Variants in CDIN1 observed in about 807,000 individuals in gnomAD.
CDIN1 encodes CDAN1 interacting nuclease 1.
A neutral mutation model predicts 45.3 loss-of-function variants in CDIN1; 33 were observed. That is an observed-to-expected ratio of 0.73 (90% CI 0.55 to 0.97). The LOEUF is 0.97. Among genes scored for constraint, CDIN1 ranks in the 50% least tolerant of loss-of-function variants. The pLI is 0.00. For missense variants in CDIN1, 303 were observed against 339.4 expected (o/e 0.89, Z 0.84); for synonymous variants, 118 against 124.4 (o/e 0.95, Z 0.34).
At chr15:36,640,542 C>G (rs2040065784) in intron 1 of CDIN1, 6 of 757,712 alleles carry the variant, frequency 7.9e-6, no homozygotes, top group Non-Finnish European at 9.6e-6. Flanking sequence ...ATTTAAGCTT[C>G]CTAGATTCTA....
intron 10 of CDIN1, among the ~76,000 whole-genome samples, chr15:36,748,800 A>G (rs766800545): frequency 1.3e-5 from 2 of 152,172 alleles, no homozygotes; most frequent in Non-Finnish European, 2.9e-5. Context: ...AACATCACCA[A>G]CCACAGACTT....
intron 1 of CDIN1, among the ~76,000 whole-genome samples, chr15:36,582,755 T>A (rs1418068841): frequency 6.6e-6 from 1 of 152,178 alleles, no homozygotes; most frequent in Non-Finnish European, 1.5e-5. Flanking sequence ...CTGACAAATT[T>A]AAAAAAATTG....
At chr15:36,629,811 G>T (rs1249861048) in intron 1 of CDIN1, among the ~76,000 whole-genome samples, 1 of 152,020 alleles carries the variant, frequency 6.6e-6, no homozygotes, top group Non-Finnish European at 1.5e-5. Context: ...TAACCTTCTT[G>T]TCTATTTTCT....
intron 3 of CDIN1, among the ~76,000 whole-genome samples, chr15:36,651,936 G>A (rs1405997166): frequency 6.6e-6 from 1 of 152,174 alleles, no homozygotes; most frequent in Non-Finnish European, 1.5e-5. Context: ...CTGGTCATTA[G>A]CAGGATAATG....
In CDIN1 at chr15:36,691,669, C is replaced by G. The variant is rs751520696; in HGVS notation, c.347-16C>G. 1 of 1,539,310 alleles carries G rather than the reference C, an allele frequency of 6.5e-7. No individual in the cohort carries two copies. Among genetic ancestry groups the G allele is most frequent in the South Asian group, 1.2e-5 (1 of 85,592 alleles). ...TGTTGACTATCTGCTAACAGTTCAT[C>G]TCTTTTCTTCTACAGCCTCCAAGTC... On this transcript the variant is annotated splice_polypyrimidine_tract_variant and intron_variant, in intron 5 of 10. Transcript: ENST00000566621.
intron 10 of CDIN1, among the ~76,000 whole-genome samples, chr15:36,787,710 T>C (rs2141074033): frequency 6.6e-6 from 1 of 152,214 alleles, no homozygotes; most frequent in South Asian, 2.1e-4. Flanking sequence ...TAGATTTTAA[T>C]CGTACTATAG....
intron 5 of CDIN1, among the ~76,000 whole-genome samples, chr15:36,661,557 A>G (rs567359320): frequency 6.6e-6 from 1 of 152,266 alleles, no homozygotes; most frequent in African/African-American, 2.4e-5. Flanking sequence ...CCAGTTACAG[A>G]CTGAGTTGCT....
At chr15:36,650,222 C>G (rs1011830592) in intron 3 of CDIN1, among the ~76,000 whole-genome samples, 1 of 152,088 alleles carries the variant, frequency 6.6e-6, no homozygotes, top group Non-Finnish European at 1.5e-5. Flanking sequence ...CTCATGTGCA[C>G]CAATTTAGGC....
intron 10 of CDIN1, among the ~76,000 whole-genome samples, chr15:36,800,351 T>A (rs910470717): frequency 9.9e-5 from 15 of 152,162 alleles, no homozygotes; most frequent in Admixed American, 9.8e-4. Flanking sequence ...ATATTTTAAC[T>A]TCATTTCTAC....
chr15:36,728,308 G>A (rs537913836), intron 10 of CDIN1, among the ~76,000 whole-genome samples: 3 of 152,248 alleles, frequency 2.0e-5, no homozygotes, highest in Admixed American at 6.5e-5. Context: ...GTTCTTCAAG[G>A]TGACCTTACA....
intron 5 of CDIN1, among the ~76,000 whole-genome samples, chr15:36,690,584 T>G (rs551838470): frequency 3.3e-5 from 5 of 152,262 alleles, no homozygotes; most frequent in Admixed American, 2.0e-4. Flanking sequence ...ATTTATCTTA[T>G]GTATCAGTGT....
intron 8 of CDIN1, among the ~76,000 whole-genome samples, chr15:36,699,480 C>G (rs541178409): frequency 6.6e-6 from 1 of 152,184 alleles, no homozygotes; most frequent in South Asian, 2.1e-4. Context: ...ATGTTGCAAA[C>G]ATGTTTAATT....
chr15:36,602,298 T>C (rs2038145423), intron 1 of CDIN1, among the ~76,000 whole-genome samples: 1 of 152,220 alleles, frequency 6.6e-6, no homozygotes, highest in East Asian at 1.9e-4. Flanking sequence ...TATAAATTAA[T>C]GGCTCACAGT....
At chr15:36,802,054 ATGAC>A (rs1344186062) in intron 10 of CDIN1, among the ~76,000 whole-genome samples, 2 of 152,138 alleles carry the variant, frequency 1.3e-5, no homozygotes, top group African/African-American at 4.8e-5. Flanking sequence ...TCAGAGTCAA[ATGAC>A]TGTTATAGAA....
chr15:36,615,087 A>G (rs907892896), intron 1 of CDIN1, among the ~76,000 whole-genome samples: 6 of 152,224 alleles, frequency 3.9e-5, no homozygotes, highest in African/African-American at 1.4e-4. Flanking sequence ...TAGAAGTGCC[A>G]TCTCATTGTG....
At chr15:36,635,084 T>A (rs62002294) in intron 1 of CDIN1, among the ~76,000 whole-genome samples, 1 of 152,174 alleles carries the variant, frequency 6.6e-6, no homozygotes, top group South Asian at 2.1e-4. Flanking sequence ...AGAACTCTTA[T>A]AAATATCCCA....
At chr15:36,763,823 C>T (rs2053840087) in intron 10 of CDIN1, among the ~76,000 whole-genome samples, 1 of 152,174 alleles carries the variant, frequency 6.6e-6, no homozygotes, top group Non-Finnish European at 1.5e-5. Context: ...TATTCCTTAA[C>T]TAGATACTCC....
chr15:36,617,981 G>A (rs1566837159), intron 1 of CDIN1: 3 of 776,432 alleles, frequency 3.9e-6, no homozygotes, highest in Non-Finnish European at 4.8e-6. Flanking sequence ...TCAGACTCAA[G>A]CACAGTATGC....
chr15:36,691,062 C>G (rs143527788), intron 5 of CDIN1: 1 of 476,304 alleles, frequency 2.1e-6, no homozygotes, highest in East Asian at 5.7e-5. Context: ...GTGTGTGTCT[C>G]TCTCTGTATA....
Sources: allele counts gnomAD v4.1 joint callset (sites outside exome capture counted in the v4.1 genomes callset), GRCh38; gene constraint gnomAD v4.1.1; transcripts MANE v1.5; gene names NCBI Gene and HGNC (gene_info 2026-07-23, HGNC 2026-07-21).